BMPR1B: variants seen among roughly 807,000 people sequenced by gnomAD.
The protein encoded by BMPR1B is bone morphogenetic protein receptor type 1B.
A neutral mutation model predicts 59.1 loss-of-function variants in BMPR1B; 12 were observed. That is an observed-to-expected ratio of 0.20 (90% confidence interval 0.13 to 0.33). The LOEUF (loss-of-function observed/expected upper bound fraction) is 0.33, where lower values mean the gene tolerates loss of function less well. BMPR1B is among the 10% of genes least tolerant of loss of function. The probability of loss-of-function intolerance (pLI) is 1.00; values close to 1 mark genes in which losing one functional copy is unlikely to be tolerated. For missense variants in BMPR1B, 550 were observed against 610.9 expected (o/e 0.90, Z 1.05); for synonymous variants, 237 against 207.3 (o/e 1.14, Z -1.23).
intron 3 of BMPR1B, among the ~76,000 whole-genome samples, chr4:95,059,660 TA>T (rs974335191): frequency 7.1e-6 from 1 of 141,824 alleles, no homozygotes; most frequent in Non-Finnish European, 1.6e-5. Flanking sequence ...CTTTTTTTGT[TA>T]AATAAACTTA....
intron 2 of BMPR1B, among the ~76,000 whole-genome samples, chr4:94,931,729 A>G (rs977137866): frequency 6.6e-6 from 1 of 152,140 alleles, no homozygotes; most frequent in Non-Finnish European, 1.5e-5. Context: ...TTCACGTGTC[A>G]CCTACAGTGA....
chr4:95,139,019 C>T (rs1277522365), intron 10 of BMPR1B, among the ~76,000 whole-genome samples: 2 of 152,174 alleles, frequency 1.3e-5, no homozygotes, highest in Admixed American at 6.5e-5. Context: ...AGCTTTCTTG[C>T]TCTGGTTTCT....
At chr4:95,128,092 C>T (rs888885363) in intron 8 of BMPR1B, among the ~76,000 whole-genome samples, 1 of 151,954 alleles carries the variant, frequency 6.6e-6, no homozygotes, top group Non-Finnish European at 1.5e-5. Context: ...TGCCATGTTG[C>T]CCAGGCTGGT....
rs553513133 is a variant in BMPR1B at position 95,001,526 on chromosome 4, T to C, written c.-18+5392T>C. On this transcript the variant is annotated intron_variant, in intron 3 of 12. Transcript: ENST00000515059. ...CATTCATTCAATAGAACATGGCACA[T>C]AGTCCTGGAGCAAAAGATAGAAGCT... is the stretch of plus-strand genomic sequence containing the variant. Among the ~76,000 whole-genome samples the C allele has an allele frequency of 2.2e-4, 33 of 152,300 alleles. No homozygotes were observed. The East Asian group carries it at 6.0e-3, about 28-fold the overall frequency.
chr4:94,814,352 T>C (rs935362168), intron 1 of BMPR1B, among the ~76,000 whole-genome samples: 3 of 152,242 alleles, frequency 2.0e-5, no homozygotes, highest in African/African-American at 7.2e-5. Context: ...TGACATGTTA[T>C]TGCCTGACAT....
At chr4:94,907,693 T>G (rs982566110) in intron 2 of BMPR1B, among the ~76,000 whole-genome samples, 2 of 152,022 alleles carry the variant, frequency 1.3e-5, no homozygotes, top group Non-Finnish European at 2.9e-5. Context: ...TCGTTGCATG[T>G]AAAAATATTC....
At position 95,155,588 on chromosome 4, in the gene BMPR1B, G is replaced by A. The variant is rs550400234; in HGVS notation, c.*915G>A. ...ATTAAATAAAATTGTCATGAGCTGT[G>A]TTGAAGACAGGGTGCTTTCAAATAG... is the stretch of plus-strand genomic sequence containing the variant. On this transcript the variant is annotated 3_prime_UTR_variant, in exon 13 of 13. Transcript: ENST00000515059. 1 of 144,094 alleles carries A rather than the reference G, an allele frequency of 6.9e-6. No individual in the cohort carries two copies. Among genetic ancestry groups the A allele is most frequent in the Non-Finnish European group, 1.5e-5 (1 of 67,102 alleles). 8.9% of individuals were successfully genotyped at this position (144,094 alleles called of 1,614,324 possible).
intron 3 of BMPR1B, among the ~76,000 whole-genome samples, chr4:95,035,991 AC>A (rs1348713056): frequency 5.9e-5 from 9 of 152,016 alleles, no homozygotes; most frequent in African/African-American, 2.2e-4. Flanking sequence ...TAGAGATCTT[AC>A]ACCTCCCAGT....
intron 2 of BMPR1B, among the ~76,000 whole-genome samples, chr4:94,897,477 C>T (rs533683433): frequency 1.1e-3 from 167 of 151,976 alleles, no homozygotes; most frequent in African/African-American, 3.5e-3. Flanking sequence ...TTGTAGTCCT[C>T]GCTTACCACC....
At position 95,020,429 on chromosome 4, in the gene BMPR1B, A is replaced by G. The variant is rs536662542; in HGVS notation, c.-18+24295A>G. On this transcript the variant is annotated intron_variant, in intron 3 of 12. Coordinates refer to ENST00000515059, the MANE Select transcript of BMPR1B (RefSeq NM_001203.3). ...CCGGTCTCTACTAAAAATACAAAAA[A>G]TTAGCTGGGCGTGGTGGTACATGCC... 3.3e-5 allele frequency among the ~76,000 whole-genome samples: 5 copies of G among 152,248 alleles called. No homozygotes were observed. In the South Asian group the frequency reaches 1.0e-3, roughly 32 times the overall value.
At chr4:94,890,166 G>C (rs1727334841) in intron 2 of BMPR1B, among the ~76,000 whole-genome samples, 1 of 152,070 alleles carries the variant, frequency 6.6e-6, no homozygotes, top group Non-Finnish European at 1.5e-5. Context: ...TTGGCGTGGA[G>C]CTAATTGCAT....
At chr4:95,121,541 CACAAATAAGTAA>C (rs1332742198) in intron 6 of BMPR1B, among the ~76,000 whole-genome samples, 2 of 151,998 alleles carry the variant, frequency 1.3e-5, no homozygotes, top group Non-Finnish European at 2.9e-5. Context: ...AATACAGACA[CACAAATAAGTAA>C]ACAAATAAAA....
chr4:94,930,093 T>G (rs140342266), intron 2 of BMPR1B, among the ~76,000 whole-genome samples: 473 of 152,254 alleles, frequency 3.1e-3, no homozygotes, highest in Non-Finnish European at 5.9e-3. Flanking sequence ...ACATCGTTTT[T>G]CACCGGAATC....
chr4:94,972,974 T>C (rs969260240), intron 2 of BMPR1B, among the ~76,000 whole-genome samples: 6 of 151,986 alleles, frequency 3.9e-5, no homozygotes, highest in African/African-American at 1.5e-4. Context: ...TTTTGGGTGT[T>C]GGCAGGAACA....
chr4:95,098,406 A>T (rs1288113127), intron 3 of BMPR1B, among the ~76,000 whole-genome samples: 1 of 152,178 alleles, frequency 6.6e-6, no homozygotes, highest in Non-Finnish European at 1.5e-5. Context: ...GTACAACTTC[A>T]GTATGACTTG....
intron 10 of BMPR1B, among the ~76,000 whole-genome samples, chr4:95,146,674 A>C (rs1734670609): frequency 6.6e-6 from 1 of 152,144 alleles, no homozygotes; most frequent in Admixed American, 6.6e-5. Context: ...TTTTCTCTGC[A>C]TGGGACCCAG....
intron 3 of BMPR1B, among the ~76,000 whole-genome samples, chr4:95,039,142 T>C (rs1294966618): frequency 1.3e-5 from 2 of 152,220 alleles, no homozygotes; most frequent in Non-Finnish European, 2.9e-5. Flanking sequence ...CCATTTTTAT[T>C]AGTAGAGAAT....
intron 4 of BMPR1B, among the ~76,000 whole-genome samples, chr4:95,111,112 G>T (rs535321458): frequency 6.6e-6 from 1 of 152,118 alleles, no homozygotes; most frequent in Non-Finnish European, 1.5e-5. Flanking sequence ...AAGAGTTGTT[G>T]TAGGAAAACT....
At chr4:94,950,531 A>G (rs1207636055) in intron 2 of BMPR1B, among the ~76,000 whole-genome samples, 1 of 152,162 alleles carries the variant, frequency 6.6e-6, no homozygotes, top group African/African-American at 2.4e-5. Flanking sequence ...TCCCAACACC[A>G]TTTATTAAAT....
Sources: gnomAD v4.1 joint callset for allele counts (sites outside exome capture counted in the v4.1 genomes callset) on GRCh38, gnomAD v4.1.1 for gene constraint, MANE v1.5 for transcripts, NCBI Gene and HGNC (gene_info 2026-07-23, HGNC 2026-07-21) for gene names.